ADORA2B: variants seen among roughly 807,000 people sequenced by gnomAD.
ADORA2B encodes the protein adenosine A2b receptor, also known as adenosine receptor A2b.
A neutral mutation model predicts 20.8 loss-of-function variants in ADORA2B; 18 were observed. The ratio of observed to expected loss-of-function variants is 0.87; its 90% CI spans 0.60 to 1.29. The LOEUF is 1.29. Ranked by LOEUF, ADORA2B falls within the 50% of genes most tolerant of loss-of-function variation. ADORA2B has a pLI of 0.00. For synonymous variants in ADORA2B, 179 were observed against 178.3 expected (o/e 1.00, Z -0.03); for missense variants, 441 against 422.7 (o/e 1.04, Z -0.38).
intron 1 of ADORA2B, among the ~76,000 whole-genome samples, chr17:15,954,167 C>T (rs1019811356): frequency 1.3e-5 from 2 of 151,908 alleles, no homozygotes; most frequent in South Asian, 2.1e-4. Flanking sequence ...TTAGTAGAGA[C>T]GGGGTTTCAC....
At chr17:15,874,238 T>C in the ADORA2B span, among the ~76,000 whole-genome samples, 2 of 151,572 alleles carry the variant, frequency 1.3e-5, no homozygotes, top group Non-Finnish European at 2.9e-5. Flanking sequence ...TCAAAAATCA[T>C]ATGTTCTCAC....
chr17:15,858,298 A>G, the ADORA2B span, among the ~76,000 whole-genome samples: 30 of 151,882 alleles, frequency 2.0e-4, no homozygotes, highest in Non-Finnish European at 3.5e-4. Context: ...CCTTCCTAAC[A>G]GGTGTGAGGT....
intron 1 of ADORA2B, among the ~76,000 whole-genome samples, chr17:15,958,314 G>A (rs1279350876): frequency 1.3e-5 from 2 of 152,132 alleles, no homozygotes; most frequent in Non-Finnish European, 2.9e-5. Flanking sequence ...CACCACGCCC[G>A]GCCCAGGTAC....
At chr17:15,876,469 T>A in the ADORA2B span, among the ~76,000 whole-genome samples, 1 of 145,240 alleles carries the variant, frequency 6.9e-6, no homozygotes, top group Non-Finnish European at 1.5e-5. Context: ...TTTTTTGTCA[T>A]GCTAGTCACT....
chr17:15,945,079 G>A (rs1458647552), upstream of ADORA2B: 1 of 472,510 alleles, frequency 2.1e-6, no homozygotes, highest in African/African-American at 2.0e-5. Context: ...CTTGGCCGCG[G>A]GGGGCCCCGA....
chr17:15,851,688 A>G, the ADORA2B span, among the ~76,000 whole-genome samples: 3 of 152,132 alleles, frequency 2.0e-5, no homozygotes, highest in Non-Finnish European at 2.9e-5. Flanking sequence ...TGGCAAATAC[A>G]CCCCTTAGCT....
Position 15,959,554 on chromosome 17 carries a change from G to A in ADORA2B, c.335+13971G>A, listed in dbSNP as rs565581663. Among the ~76,000 whole-genome samples the A allele has an allele frequency of 9.2e-5, 13 of 141,996 alleles. No homozygotes were observed. In the South Asian group the frequency reaches 2.7e-3, roughly 29 times the overall value. 93.2% of individuals were successfully genotyped at this position (141,996 alleles called of 152,430 possible). A position where few individuals can be genotyped will look rare whatever the true frequency, so the allele number is the denominator to read the frequency against. On this transcript the variant is annotated intron_variant, in intron 1 of 1. Transcript: ENST00000304222. ...CTTGCTCTATCACCCAGGCTGGGGT[G>A]CAATGGCGCGATCTGAGCTCACGGC...
At chr17:15,962,908 A>C (rs73276032) in intron 1 of ADORA2B, among the ~76,000 whole-genome samples, 15,166 of 152,188 alleles carry the variant, frequency 0.1, 2,517 homozygotes, top group African/African-American at 0.34. Context: ...GTTTTTGAGC[A>C]CTTTCTTATA....
At chr17:15,875,273 T>C in the ADORA2B span, among the ~76,000 whole-genome samples, 1 of 147,606 alleles carries the variant, frequency 6.8e-6, no homozygotes, top group African/African-American at 2.7e-5. Flanking sequence ...GTCACCTTGC[T>C]GATTTTTTTG....
the ADORA2B span, among the ~76,000 whole-genome samples, chr17:15,911,421 G>T: frequency 6.6e-6 from 1 of 152,184 alleles, no homozygotes; most frequent in East Asian, 1.9e-4. Flanking sequence ...GGGATACCCG[G>T]AGTCAGTGTT....
In ADORA2B at chr17:15,975,735, AC is replaced by A. The variant is rs1382628385; in HGVS notation, c.*394del. The A allele has an allele frequency of 1.2e-5, 2 of 168,706 alleles. No individual in the cohort carries two copies. Among genetic ancestry groups the A allele is most frequent in the East Asian group, 3.2e-4 (2 of 6,192 alleles). The allele number at this position is 168,706 out of a possible 1,614,324, so 10.5% of individuals were successfully genotyped here. A position where few individuals can be genotyped will look rare whatever the true frequency, so the allele number is the denominator to read the frequency against. ...CAATGGAAAAATAAAAGTTGACTGT[AC>A]TAAAAATGTATACTTGTTGCCAGGA... is the stretch of plus-strand genomic sequence containing the variant. On this transcript the variant is annotated 3_prime_UTR_variant, in exon 2 of 2. Transcript: ENST00000304222.
At chr17:15,922,218 C>A in the ADORA2B span, among the ~76,000 whole-genome samples, 1 of 152,156 alleles carries the variant, frequency 6.6e-6, no homozygotes, top group Non-Finnish European at 1.5e-5. Context: ...ATTTTGTGTA[C>A]CCTTCCAGAG....
At chr17:15,878,148 G>T in the ADORA2B span, among the ~76,000 whole-genome samples, 1 of 149,758 alleles carries the variant, frequency 6.7e-6, no homozygotes, top group Non-Finnish European at 1.5e-5. Context: ...CTGTCACAGA[G>T]GTTCCAGATA....
At chr17:15,894,254 T>A in the ADORA2B span, among the ~76,000 whole-genome samples, 1 of 152,222 alleles carries the variant, frequency 6.6e-6, no homozygotes, top group African/African-American at 2.4e-5. Context: ...CGGTAGACTT[T>A]ATAACAAGTA....
chr17:15,860,822 C>G, the ADORA2B span: 5 of 178,650 alleles, frequency 2.8e-5, no homozygotes, highest in Non-Finnish European at 4.9e-5. Flanking sequence ...TCGTTCCCAC[C>G]GATCTTTGAA....
intron 1 of ADORA2B, among the ~76,000 whole-genome samples, chr17:15,962,808 G>A (rs955494675): frequency 1.3e-5 from 2 of 152,218 alleles, no homozygotes; most frequent in African/African-American, 2.4e-5. Context: ...ATGAGCCACC[G>A]CGCCCGGCCC....
At chr17:15,893,018 T>A in the ADORA2B span, among the ~76,000 whole-genome samples, 115 of 152,332 alleles carry the variant, frequency 7.5e-4, no homozygotes, top group African/African-American at 2.2e-3. Context: ...CGTCTGGAAC[T>A]TTAATACAAC....
the ADORA2B span, among the ~76,000 whole-genome samples, chr17:15,898,417 C>A: frequency 6.6e-6 from 1 of 151,620 alleles, no homozygotes; most frequent in African/African-American, 2.4e-5. Context: ...CATCAGCCTC[C>A]CGAGTAGCTG....
chr17:15,895,004 G>T, the ADORA2B span, among the ~76,000 whole-genome samples: 1 of 152,174 alleles, frequency 6.6e-6, no homozygotes, highest in Non-Finnish European at 1.5e-5. Context: ...TTCAGGGTAA[G>T]CCAGCAGGCT....
Sources: gnomAD v4.1 joint callset for allele counts (sites outside exome capture counted in the v4.1 genomes callset) on GRCh38, gnomAD v4.1.1 for gene constraint, MANE v1.5 for transcripts, NCBI Gene and HGNC (gene_info 2026-07-23, HGNC 2026-07-21) for gene names.